AFF3: variants seen among roughly 807,000 people sequenced by gnomAD.
AFF3 encodes ALF transcription elongation factor 3, also known as AF4/FMR2 family member 3.
In AFF3, 32 loss-of-function variants were observed where a neutral mutation model predicts 129.7. That is an observed-to-expected ratio of 0.25 (90% CI 0.19 to 0.33). The LOEUF (loss-of-function observed/expected upper bound fraction) is 0.33. AFF3 is among the 10% of genes least tolerant of loss of function. The pLI, the probability that AFF3 is intolerant of heterozygous loss-of-function variation, is 1.00. For missense variants in AFF3, 1,373 were observed against 1,592.0 expected, an observed-to-expected ratio of 0.86 and a Z score of 2.34; for synonymous variants, 644 against 635.4, an observed-to-expected ratio of 1.01 and a Z score of -0.20.
intron 20 of AFF3, 126 bp downstream of exon 20, chr2:99,565,361 T>A (rs1033947130): frequency 1.8e-5 from 25 of 1,370,272 alleles, no homozygotes; most frequent in Non-Finnish European, 2.4e-5. Context: ...ACCCTCTTAT[T>A]TTGGGGGGAT....
intron 7 of AFF3, among the ~76,000 whole-genome samples, chr2:99,967,859 G>A (rs1040801487): frequency 3.3e-5 from 5 of 152,136 alleles, no homozygotes; most frequent in South Asian, 4.1e-4. Flanking sequence ...GTGTGCCTAC[G>A]CTCTTGCAAC....
At chr2:100,019,391 C>G (rs372536702) in intron 4 of AFF3, among the ~76,000 whole-genome samples, 1 of 152,268 alleles carries the variant, frequency 6.6e-6, no homozygotes, top group East Asian at 1.9e-4. Flanking sequence ...ATAAATGGAA[C>G]CGACTTTTCA....
chr2:100,045,156 G>A (rs1685732600), intron 4 of AFF3, among the ~76,000 whole-genome samples: 1 of 152,120 alleles, frequency 6.6e-6, no homozygotes, highest in Non-Finnish European at 1.5e-5. Flanking sequence ...CAACAGAGGT[G>A]GGGAAGGGGA....
At chr2:100,024,549 G>A (rs6724583) in intron 4 of AFF3, among the ~76,000 whole-genome samples, 20,702 of 150,152 alleles carry the variant, frequency 0.14, 1,659 homozygotes, top group South Asian at 0.2. Flanking sequence ...CGGAGGTTGC[G>A]GTGAGCCAAG....
At chr2:99,614,237 T>C (rs1243168971) in intron 13 of AFF3, among the ~76,000 whole-genome samples, 1 of 152,090 alleles carries the variant, frequency 6.6e-6, no homozygotes, top group African/African-American at 2.4e-5. Context: ...TAGGGAACAA[T>C]AAAAGTCAAC....
rs1696489668 is a variant in AFF3, at chr2:99,929,100, A to T, written c.873+77532T>A. Among the ~76,000 whole-genome samples the T allele has an allele frequency of 2.0e-5, 3 of 152,134 alleles. No individual in the cohort carries two copies. In the South Asian group the frequency reaches 6.2e-4, roughly 32 times the overall value. ...ATGGCATGCGTAAATGAAAGTAAAA[A>T]CTCAGCAAGGTGAAGTTGGGAGTTT... is the stretch of plus-strand genomic sequence containing the variant. On this transcript the variant is annotated intron_variant, in intron 7 of 24. Transcript: ENST00000672756.
rs1435944149 is a variant in AFF3 at position 99,593,688 on chromosome 2, A to G, written c.1973T>C (p.Ile658Thr). Residue 658 changes from isoleucine to threonine, a missense_variant, in exon 15 of 25, where the codon ATC becomes ACC. By Grantham distance (89) the Ile-to-Thr change is moderately conservative. Around this residue, in one of 9 missense-constraint regions of AFF3, gnomAD observed 466 missense variants for 505.0 expected, o/e 0.92. Coordinates refer to ENST00000672756, the MANE Select transcript of AFF3 (RefSeq NM_001386135.1). Reference protein sequence around the residue: ...EKRRTRGLSRIVPKSKEFIET... With the variant: ...EKRRTRGLSRTVPKSKEFIET... ...AATGAACTCCTTGGATTTGGGGACG[A>G]TCCTGCTTAGCCCCCGCGTGCGGCG... 1.4e-5 allele frequency: 22 copies of G among 1,606,004 alleles called. No homozygotes were observed. Among genetic ancestry groups the G allele is most frequent in the Non-Finnish European group, 1.8e-5 (21 of 1,174,408 alleles).
At chr2:100,014,149 G>A (rs1237947024) in intron 4 of AFF3, among the ~76,000 whole-genome samples, 1 of 151,608 alleles carries the variant, frequency 6.6e-6, no homozygotes, top group African/African-American at 2.4e-5. Context: ...CAAGCAAACT[G>A]CATTTCCCAT....
chr2:99,643,545 T>C (rs377634789), intron 13 of AFF3, among the ~76,000 whole-genome samples: 31 of 152,350 alleles, frequency 2.0e-4, no homozygotes, highest in African/African-American at 7.2e-4. Flanking sequence ...CTATTAGTAC[T>C]GTGTGGCAAC....
At position 100,006,761 on chromosome 2, in the gene AFF3, A is replaced by T; in HGVS notation, c.744T>A (p.Ser248=). The change falls in exon 7 of 25, where the codon TCT becomes TCA. Residue 248 remains serine, a synonymous_variant. Transcript: ENST00000672756. The stretch of plus-strand genomic sequence containing the variant: ...TTTCCGAAGACGACTTCAGCTTAGG[A>T]GACTCATCAGGGGCCTGATCTTGGC... The part of the protein sequence containing the change: ...MDGQDQAPDE[S]PKLKSSSETS... 1 of 1,614,174 alleles carries T rather than the reference A, an allele frequency of 6.2e-7. No homozygotes were observed. Among genetic ancestry groups the T allele is most frequent in the Non-Finnish European group, 8.5e-7 (1 of 1,180,022 alleles).
At chr2:99,917,328 G>GCCAATGA (rs1695539511) in intron 7 of AFF3, among the ~76,000 whole-genome samples, 1 of 152,174 alleles carries the variant, frequency 6.6e-6, no homozygotes, top group Non-Finnish European at 1.5e-5. Context: ...CCACCCAGAA[G>GCCAATGA]CCAGAGGGCA....
At chr2:99,793,687 G>C (rs777411570) in intron 8 of AFF3, among the ~76,000 whole-genome samples, 16 of 152,054 alleles carry the variant, frequency 1.1e-4, no homozygotes, top group Non-Finnish European at 1.8e-4. Flanking sequence ...AGCCCACTTA[G>C]AACTTTATTA....
chr2:99,941,199 C>T (rs78476700), intron 7 of AFF3, among the ~76,000 whole-genome samples: 3,832 of 152,196 alleles, frequency 0.025, 152 homozygotes, highest in African/African-American at 0.086. Context: ...CAGACGGTGA[C>T]CACAGGGGAG....
rs576149856 is a variant in AFF3, at chr2:99,941,985, T to A, written c.873+64647A>T. Reference sequence around the variant, plus strand: ...CAGACAACTGCAATTCCTAACTGAATGAGTGTACACTGAACACACAGATAC... The same window carrying A: ...CAGACAACTGCAATTCCTAACTGAAAGAGTGTACACTGAACACACAGATAC... On this transcript the variant is annotated intron_variant, in intron 7 of 24. Coordinates refer to ENST00000672756, the MANE Select transcript of AFF3 (RefSeq NM_001386135.1). 5.3e-5 allele frequency among the ~76,000 whole-genome samples: 8 copies of A among 152,314 alleles called. No individual in the cohort carries two copies. In the South Asian group the frequency reaches 1.7e-3, roughly 32 times the overall value.
intron 13 of AFF3, among the ~76,000 whole-genome samples, chr2:99,611,736 A>C: frequency 6.6e-6 from 1 of 152,042 alleles, no homozygotes; most frequent in African/African-American, 2.4e-5. Flanking sequence ...AAAATACAAA[A>C]ATTAGCTGGG....
intron 10 of AFF3, among the ~76,000 whole-genome samples, chr2:99,743,220 G>A (rs545714191): frequency 1.3e-5 from 2 of 152,212 alleles, no homozygotes; most frequent in Non-Finnish European, 2.9e-5. Context: ...CCCCTCCACC[G>A]GCCTTTCTCT....
At chr2:99,999,661 G>A (rs1225740966) in intron 7 of AFF3, among the ~76,000 whole-genome samples, 1 of 152,190 alleles carries the variant, frequency 6.6e-6, no homozygotes, top group Admixed American at 6.5e-5. Context: ...TTATGAGTGT[G>A]AATTGTTTCT....
At chr2:99,750,986 T>C (rs909101464) in intron 9 of AFF3, among the ~76,000 whole-genome samples, 1 of 152,364 alleles carries the variant, frequency 6.6e-6, no homozygotes. Context: ...ATACGTTTTA[T>C]TGTAAGAAAA....
Position 99,569,692 on chromosome 2 carries a change from A to T in AFF3, c.2919-777T>A, listed in dbSNP as rs567585690. 3.3e-5 allele frequency among the ~76,000 whole-genome samples: 5 copies of T among 152,324 alleles called. No individual in the cohort carries two copies. In the East Asian group the frequency reaches 9.6e-4, roughly 29 times the overall value. On this transcript the variant is annotated intron_variant, in intron 18 of 24. Transcript: ENST00000672756. The stretch of plus-strand genomic sequence containing the variant: ...TACGCTAAGGTACTCATTAGACAGT[A>T]TCTTTAAGTGTTTAGCCCGATAGAT...
Sources: allele counts gnomAD v4.1 joint callset (sites outside exome capture counted in the v4.1 genomes callset), GRCh38; gene constraint gnomAD v4.1.1; regional missense constraint gnomAD v4.1.1; transcripts MANE v1.5; gene names NCBI Gene and HGNC (gene_info 2026-07-23, HGNC 2026-07-21).